ZFAND3: variants seen among roughly 807,000 people sequenced by gnomAD.
ZFAND3 encodes the protein zinc finger AN1-type containing 3.
In ZFAND3, 10 loss-of-function variants were observed where a neutral mutation model predicts 29.6. The ratio of observed to expected loss-of-function variants is 0.34; its 90% confidence interval spans 0.21 to 0.57. The LOEUF is 0.57. ZFAND3 is among the 20% of genes least tolerant of loss of function. The pLI, the probability that ZFAND3 is intolerant of heterozygous loss-of-function variation, is 0.86. For missense variants in ZFAND3, 230 were observed against 304.5 expected, an observed-to-expected ratio of 0.76 and a Z score of 1.82; for synonymous variants, 128 against 112.6, an observed-to-expected ratio of 1.14 and a Z score of -0.87.
intron 5 of ZFAND3, among the ~76,000 whole-genome samples, chr6:38,126,790 T>C (rs746821578): frequency 6.6e-6 from 1 of 151,548 alleles, no homozygotes; most frequent in South Asian, 2.1e-4. Flanking sequence ...CTCATCAATA[T>C]GATATGTCTC....
intron 2 of ZFAND3, among the ~76,000 whole-genome samples, chr6:38,034,156 G>A (rs1763614483): frequency 2.0e-5 from 3 of 152,224 alleles, no homozygotes; most frequent in East Asian, 1.9e-4. Flanking sequence ...TTCATCTTTT[G>A]TGTGAACTTA....
intron 1 of ZFAND3, among the ~76,000 whole-genome samples, chr6:37,895,480 T>TATC (rs990511578): frequency 6.8e-6 from 1 of 147,308 alleles, no homozygotes; most frequent in African/African-American, 2.5e-5. Context: ...TTTTTTTTTT[T>TATC]TTATCTTATA....
chr6:37,961,081 A>T (rs1230982974), intron 2 of ZFAND3, among the ~76,000 whole-genome samples: 1 of 152,172 alleles, frequency 6.6e-6, no homozygotes, highest in African/African-American at 2.4e-5. Flanking sequence ...TTCAAAAAAT[A>T]GTAAATAATC....
intron 2 of ZFAND3, among the ~76,000 whole-genome samples, chr6:38,049,957 TTTTTTTTTTTTGG>T (rs1422916774): frequency 4.6e-3 from 43 of 9,270 alleles, no homozygotes; most frequent in Admixed American, 0.021. Flanking sequence ...TTTTTTTTTT[TTTTTTTTTTTTGG>T]GGGAGACAGA....
At chr6:38,039,791 T>A (rs1763726017) in intron 2 of ZFAND3, among the ~76,000 whole-genome samples, 1 of 152,156 alleles carries the variant, frequency 6.6e-6, no homozygotes, top group South Asian at 2.1e-4. Flanking sequence ...TACTTAAAAA[T>A]TTTTATATGC....
At position 38,153,983 on chromosome 6, in the gene ZFAND3, C is replaced by T. The variant is rs1330627129; in HGVS notation, c.*1594C>T. ...CTGCAACTGCAAATGTTTTTTGATC[C>T]GACGTACTGAAATAGGAAGTCATGC... On this transcript the variant is annotated 3_prime_UTR_variant, in exon 6 of 6. Transcript: ENST00000287218. 1.5e-5 allele frequency: 15 copies of T among 985,330 alleles called. No individual in the cohort carries two copies. The highest frequency in any genetic ancestry group is 9.4e-5 in the South Asian group (2 of 21,292). 61.0% of individuals were successfully genotyped at this position (985,330 alleles called of 1,614,324 possible). A position where few individuals can be genotyped will look rare whatever the true frequency, so the allele number is the denominator to read the frequency against.
rs548403951 is a variant in ZFAND3, at chr6:38,032,325, A to G, written c.113-29268A>G. On this transcript the variant is annotated intron_variant, in intron 2 of 5. Coordinates refer to ENST00000287218, the MANE Select transcript of ZFAND3 (RefSeq NM_021943.3). ...TAAAAGGACGTATTATAATTTAACT[A>G]TTTTATCATTGAATATGTCAGTTGT... is the stretch of plus-strand genomic sequence containing the variant. Among the ~76,000 whole-genome samples, 13 of 152,318 alleles carry G rather than the reference A, an allele frequency of 8.5e-5. No individual in the cohort carries two copies. The East Asian group carries it at 1.5e-3, about 18-fold the overall frequency.
chr6:38,007,481 G>A (rs1025321253), intron 2 of ZFAND3, among the ~76,000 whole-genome samples: 1 of 152,126 alleles, frequency 6.6e-6, no homozygotes, highest in Non-Finnish European at 1.5e-5. Context: ...GGAGGTCGAG[G>A]CCACAGTGAG....
At chr6:38,039,841 A>C (rs538442518) in intron 2 of ZFAND3, among the ~76,000 whole-genome samples, 1 of 152,292 alleles carries the variant, frequency 6.6e-6, no homozygotes, top group South Asian at 2.1e-4. Flanking sequence ...TATTAAAATG[A>C]ATTCTAAATG....
chr6:37,983,341 A>ATTTTTTTTTTTT (rs1762611444), intron 2 of ZFAND3, among the ~76,000 whole-genome samples: 1 of 37,182 alleles, frequency 2.7e-5, no homozygotes, highest in African/African-American at 9.3e-5. Flanking sequence ...ACCAGTTTTT[A>ATTTTTTTTTTTT]TCTTTTTTTT....
rs77435042 is a variant in ZFAND3 at position 38,010,998 on chromosome 6, C to T, written c.113-50595C>T. ...GGCCCAAGTGATCCTCGCACCTCAG[C>T]GTCTCAAGTAGCTGGCACTTACAGG... On this transcript the variant is annotated intron_variant, in intron 2 of 5. Coordinates refer to ENST00000287218, the MANE Select transcript of ZFAND3 (RefSeq NM_021943.3). 0.016 allele frequency among the ~76,000 whole-genome samples: 2,494 copies of T among 151,412 alleles called. 251 individuals carry two copies. The East Asian group carries it at 0.28, about 17-fold the overall frequency.
At chr6:38,085,283 C>G (rs1448495831) in intron 4 of ZFAND3, among the ~76,000 whole-genome samples, 1 of 152,180 alleles carries the variant, frequency 6.6e-6, no homozygotes, top group East Asian at 1.9e-4. Context: ...TAAATAATTA[C>G]TTTACAGTGG....
At chr6:37,983,343 C>CTTTTTTTTT (rs70981516) in intron 2 of ZFAND3, among the ~76,000 whole-genome samples, 56 of 50,044 alleles carry the variant, frequency 1.1e-3, no homozygotes, top group African/African-American at 3.6e-3. Context: ...CAGTTTTTAT[C>CTTTTTTTTT]TTTTTTTTTT....
intron 2 of ZFAND3, among the ~76,000 whole-genome samples, chr6:38,014,194 A>G (rs924383001): frequency 2.0e-5 from 3 of 152,164 alleles, no homozygotes; most frequent in African/African-American, 4.8e-5. Context: ...TAGTCGTGCA[A>G]CTTTTTTGTA....
chr6:38,094,293 G>A (rs1290766016), intron 4 of ZFAND3, among the ~76,000 whole-genome samples: 15 of 151,570 alleles, frequency 9.9e-5, no homozygotes, highest in African/African-American at 3.6e-4. Flanking sequence ...GTGGGCCAAA[G>A]TAACACTTTC....
In ZFAND3 at chr6:37,962,349, G is replaced by C. The variant is rs574637116; in HGVS notation, c.112+32350G>C. Reference sequence around the variant, plus strand: ...CAATGAAGCATGCCTACAGGATCTAGAGAATAGCTATAAGAGGACAAATCT... The same window carrying C: ...CAATGAAGCATGCCTACAGGATCTACAGAATAGCTATAAGAGGACAAATCT... On this transcript the variant is annotated intron_variant, in intron 2 of 5. Transcript: ENST00000287218. Among the ~76,000 whole-genome samples, 57 of 152,316 alleles carry C rather than the reference G, an allele frequency of 3.7e-4. 2 individuals carry two copies. In the South Asian group the frequency reaches 5.6e-3, roughly 15 times the overall value.
intron 4 of ZFAND3, among the ~76,000 whole-genome samples, chr6:38,104,838 C>G (rs1765176350): frequency 6.6e-6 from 1 of 152,196 alleles, no homozygotes; most frequent in Admixed American, 6.5e-5. Context: ...ATCCCAGAGA[C>G]AGCTGGGTCT....
chr6:38,003,980 C>T (rs190041895), intron 2 of ZFAND3, among the ~76,000 whole-genome samples: 3 of 152,066 alleles, frequency 2.0e-5, no homozygotes, highest in Admixed American at 2.0e-4. Context: ...AGGGGCAATT[C>T]TTCTTTTTCT....
intron 5 of ZFAND3, among the ~76,000 whole-genome samples, chr6:38,139,136 A>G (rs1046620505): frequency 1.3e-5 from 2 of 152,146 alleles, no homozygotes; most frequent in African/African-American, 4.8e-5. Flanking sequence ...AAGAAACAGA[A>G]AAGTGGACAA....
Sources: gnomAD v4.1 joint callset for allele counts (sites outside exome capture counted in the v4.1 genomes callset) on GRCh38, gnomAD v4.1.1 for gene constraint, MANE v1.5 for transcripts, NCBI Gene and HGNC (gene_info 2026-07-23, HGNC 2026-07-21) for gene names.